RAB3GAP1: variants seen among roughly 807,000 people sequenced by gnomAD.
RAB3GAP1 encodes the protein RAB3 GTPase activating protein catalytic subunit 1.
Under a neutral mutation model 130.7 loss-of-function variants are expected in RAB3GAP1, and 86 were observed. The observed-to-expected ratio is 0.66, with a 90% CI of 0.55 to 0.79. The LOEUF (loss-of-function observed/expected upper bound fraction) is 0.79, where lower values mean the gene tolerates loss of function less well. Ranked by LOEUF, RAB3GAP1 falls within the 30% of genes least tolerant of loss-of-function variation. The probability of loss-of-function intolerance (pLI) is 0.00; values close to 1 mark genes in which losing one functional copy is unlikely to be tolerated. For synonymous variants in RAB3GAP1, 367 were observed against 401.7 expected (o/e 0.91, Z 1.03); for missense variants, 1,029 against 1,169.4 (o/e 0.88, Z 1.75).
rs373603481 is a variant in RAB3GAP1 at position 135,161,663 on chromosome 2, T to A, written c.2290-892T>A. On this transcript the variant is annotated intron_variant, in intron 19 of 23. Coordinates refer to ENST00000264158, the MANE Select transcript of RAB3GAP1 (RefSeq NM_012233.3). The stretch of plus-strand genomic sequence containing the variant: ...TATATTTCTTAATTTAAAAAAAGTT[T>A]CAAATCAGACAAAACTCTCTAAGCC... 2.2e-4 allele frequency among the ~76,000 whole-genome samples: 33 copies of A among 152,190 alleles called. No individual in the cohort carries two copies. In the South Asian group the frequency reaches 5.8e-3, roughly 27 times the overall value.
At chr2:135,105,889 A>G (rs190020163) in intron 5 of RAB3GAP1, among the ~76,000 whole-genome samples, 22,252 of 145,032 alleles carry the variant, frequency 0.15, 3,103 homozygotes, top group African/African-American at 0.38. Context: ...CCGCGACCCC[A>G]TCTGGGAGGT....
At position 135,168,736 on chromosome 2, in the gene RAB3GAP1, C is replaced by T. The variant is rs1692742365; in HGVS notation, c.2901C>T (p.Asp967=). The T allele has an allele frequency of 6.2e-7, 1 of 1,614,176 alleles. No homozygotes were observed. The highest frequency in any genetic ancestry group is 8.5e-7 in the Non-Finnish European group (1 of 1,180,012). ...QRMYSVLTKE[D]FRLAGAFSSD... ...TGTACAGTGTTCTCACCAAAGAGGA[C>T]TTTAGACTTGCAGGTGCCTTTTCAT... The change falls in exon 24 of 24, where the codon GAC becomes GAT. Residue 967 remains aspartate (D), a synonymous_variant. Coordinates refer to ENST00000264158, the MANE Select transcript of RAB3GAP1 (RefSeq NM_012233.3).
chr2:135,099,325 T>G (rs1459755466), intron 5 of RAB3GAP1, among the ~76,000 whole-genome samples: 1 of 152,178 alleles, frequency 6.6e-6, no homozygotes, highest in African/African-American at 2.4e-5. Flanking sequence ...ATGATTTATT[T>G]TCTTTAGATT....
chr2:135,100,846 A>G (rs918642978), intron 5 of RAB3GAP1, among the ~76,000 whole-genome samples: 14 of 152,270 alleles, frequency 9.2e-5, no homozygotes, highest in African/African-American at 3.4e-4. Context: ...GAGGCAGAAC[A>G]CAAGTTTGAT....
chr2:135,135,564 A>G lies in RAB3GAP1; in HGVS notation c.1555A>G (p.Met519Val). Residue 519 changes from methionine (M) to valine (V), a missense_variant and splice_region_variant, in exon 17 of 24, where the codon ATG becomes GTG. Physicochemically the swap from Met to Val is conservative, Grantham distance 21. Around this residue, in one of 3 missense-constraint regions of RAB3GAP1, gnomAD observed 373 missense variants for 493.6 expected, o/e 0.76. Transcript: ENST00000264158. ...RCCLLHQKLQ[M>V]LNCCIERKKA... ...TAAATGTTATTTCTCTTTTCTTAAG[A>G]TGTTAAATTGTTGTATTGAAAGAAA... 1 of 1,595,040 alleles carries G rather than the reference A, an allele frequency of 6.3e-7. No homozygotes were observed. Among genetic ancestry groups the G allele is most frequent in the Non-Finnish European group, 8.6e-7 (1 of 1,167,992 alleles).
intron 5 of RAB3GAP1, among the ~76,000 whole-genome samples, chr2:135,098,827 C>T (rs760094022): frequency 2.6e-5 from 4 of 152,042 alleles, no homozygotes; most frequent in Non-Finnish European, 5.9e-5. Context: ...TTTTTCATTT[C>T]CAGTTGTTCG....
chr2:135,145,399 T>TACACAC (rs10603690), intron 17 of RAB3GAP1, among the ~76,000 whole-genome samples: 130 of 147,112 alleles, frequency 8.8e-4, no homozygotes, highest in African/African-American at 2.8e-3. Flanking sequence ...CACACACACA[T>TACACAC]ACACACACAC....
rs559884885 is a variant in RAB3GAP1, at chr2:135,131,560, A to G, written c.1236+839A>G. Among the ~76,000 whole-genome samples, 3 of 152,258 alleles carry G rather than the reference A, an allele frequency of 2.0e-5. No individual in the cohort carries two copies. The East Asian group carries it at 5.8e-4, about 29-fold the overall frequency. On this transcript the variant is annotated intron_variant, in intron 13 of 23. Coordinates refer to ENST00000264158, the MANE Select transcript of RAB3GAP1 (RefSeq NM_012233.3). ...AGTATATTTTTGAAGGATTGCTTTG[A>G]CAACAGTTGAGAGAAAGCTTTTAGT...
In RAB3GAP1 at chr2:135,130,012, T is replaced by C. The variant is rs1352325000; in HGVS notation, c.991T>C (p.Phe331Leu). 6.2e-6 allele frequency: 10 copies of C among 1,612,244 alleles called. No homozygotes were observed. The highest frequency in any genetic ancestry group is 3.3e-4 in the Middle Eastern group (2 of 6,080). Residue 331 changes from phenylalanine to leucine, a missense_variant, in exon 12 of 24, where the codon TTT (phenylalanine) becomes CTT (leucine). Transcript: ENST00000264158. ...CTACATAGGTGATTTTGTCACTGAATTTTTTAAAATTTGCCGTCGAAAGGA... is the reference window on the plus strand; with the variant it reads ...CTACATAGGTGATTTTGTCACTGAACTTTTTAAAATTTGCCGTCGAAAGGA... ...QCLLGDFVTE[F>L]FKICRRKEST...
intron 5 of RAB3GAP1, among the ~76,000 whole-genome samples, chr2:135,110,806 C>G (rs1473013510): frequency 6.6e-6 from 1 of 152,074 alleles, no homozygotes; most frequent in East Asian, 1.9e-4. Flanking sequence ...AGAAGCTTTA[C>G]AAAGTGTATA....
chr2:135,156,276 C>G lies in RAB3GAP1; in HGVS notation c.2289+2400C>G, dbSNP rs188648585. On this transcript the variant is annotated intron_variant, in intron 19 of 23. Transcript: ENST00000264158. ...CTAAATATCAAGAAACCATATAGTT[C>G]CAATGCTACATAAATTATTTCAACA... Among the ~76,000 whole-genome samples, 62 of 152,192 alleles carry G rather than the reference C, an allele frequency of 4.1e-4. 1 individual carries two copies. Among genetic ancestry groups the G allele is most frequent in the African/African-American group, 1.4e-3 (57 of 41,548 alleles).
At chr2:135,086,918 C>T (rs1690002999) in intron 3 of RAB3GAP1, among the ~76,000 whole-genome samples, 1 of 152,066 alleles carries the variant, frequency 6.6e-6, no homozygotes, top group South Asian at 2.1e-4. Context: ...CCTGATGGAC[C>T]TCCCAAAGAG....
At chr2:135,115,194 C>T (rs1206915345) in intron 6 of RAB3GAP1, 22 bp from the exon 7 acceptor site, 2 of 1,592,976 alleles carry the variant, frequency 1.3e-6, no homozygotes, top group East Asian at 2.2e-5. Flanking sequence ...GTATTCCATT[C>T]CTATTTAATC....
chr2:135,130,743 A>T (rs772181714), intron 13 of RAB3GAP1, 22 bp downstream of exon 13: 3 of 1,587,994 alleles, frequency 1.9e-6, no homozygotes, highest in African/African-American at 1.3e-5. Context: ...TTCTGTCTTT[A>T]TAGGTCTATA....
At chr2:135,165,862 C>A (rs1000729136) in intron 23 of RAB3GAP1, among the ~76,000 whole-genome samples, 1 of 152,134 alleles carries the variant, frequency 6.6e-6, no homozygotes, top group South Asian at 2.1e-4. Flanking sequence ...TGCAAAAATT[C>A]TTTCCTCTTT....
intron 8 of RAB3GAP1, 81 bp from the exon 9 acceptor site, chr2:135,124,084 T>C: frequency 1.5e-6 from 2 of 1,333,432 alleles, no homozygotes; most frequent in Non-Finnish European, 2.2e-6. Flanking sequence ...CTTTTAAAGC[T>C]ATGATATTCC....
Position 135,081,327 on chromosome 2 carries a change from A to AATAT in RAB3GAP1, c.151-9639_151-9636dup, listed in dbSNP as rs1214688390. Among the ~76,000 whole-genome samples the AATAT allele has an allele frequency of 8.9e-3, 568 of 63,928 alleles. 11 individuals are homozygous for AATAT. The highest frequency in any genetic ancestry group is 0.019 in the South Asian group (20 of 1,060). The allele number at this position is 63,928 out of a possible 152,430, so 41.9% of individuals were successfully genotyped here. A position where few individuals can be genotyped will look rare whatever the true frequency, so the allele number is the denominator to read the frequency against. Reference sequence around the variant, plus strand: ...GTCTCAAAAAAAAAAAAAAAAAAAAAATATATATATATATATATATATATA... The same window carrying AATAT: ...GTCTCAAAAAAAAAAAAAAAAAAAAAATATATATATATATATATATATATATATA... On this transcript the variant is annotated intron_variant, in intron 3 of 23. Transcript: ENST00000264158.
At chr2:135,175,690 C>A (rs2105016199), downstream of RAB3GAP1, 1 of 152,316 alleles carries the variant, frequency 6.6e-6, no homozygotes, top group South Asian at 2.1e-4. Flanking sequence ...AGAGAAAAGA[C>A]AAAAGCTATG....
chr2:135,104,706 A>G (rs1214041311), intron 5 of RAB3GAP1, among the ~76,000 whole-genome samples: 1 of 149,964 alleles, frequency 6.7e-6, no homozygotes, highest in East Asian at 1.9e-4. Flanking sequence ...TACAAAATAA[A>G]TAAATAAATA....
Sources: gnomAD v4.1 joint callset for allele counts (sites outside exome capture counted in the v4.1 genomes callset) on GRCh38, gnomAD v4.1.1 for gene constraint, gnomAD v4.1.1 regional missense constraint, MANE v1.5 for transcripts, NCBI Gene and HGNC (gene_info 2026-07-23, HGNC 2026-07-21) for gene names.